The following EPHA10 variants were observed in gnomAD, a reference collection of about 807,000 sequenced individuals.
The protein encoded by EPHA10 is EPH receptor A10, also known as ephrin type-A receptor 10.
In EPHA10, 120 loss-of-function variants were observed where a neutral mutation model predicts 109.7. That is an observed-to-expected ratio of 1.09 (90% confidence interval 0.94 to 1.27). The LOEUF (loss-of-function observed/expected upper bound fraction) is 1.27, where lower values mean the gene tolerates loss of function less well. Among genes scored for constraint, EPHA10 ranks in the 50% most tolerant of loss-of-function variants. The pLI is 0.00. For missense variants in EPHA10, 1,396 were observed against 1,411.1 expected (o/e 0.99, Z 0.17); for synonymous variants, 640 against 618.9 (o/e 1.03, Z -0.51).
rs184043511 is a variant in EPHA10, at chr1:37,741,582, A to T, written c.1358-6192T>A. On this transcript the variant is annotated intron_variant, in intron 5 of 16. Coordinates refer to ENST00000373048, the MANE Select transcript of EPHA10 (RefSeq NM_001099439.2). ...CTAGTCTTGACAGCTGATCGCCAGAATGGGGGCTGGAGAGTAGAGTGGCAC... is the reference window on the plus strand; with the variant it reads ...CTAGTCTTGACAGCTGATCGCCAGATTGGGGGCTGGAGAGTAGAGTGGCAC... 2.9e-3 allele frequency among the ~76,000 whole-genome samples: 448 copies of T among 152,286 alleles called. 1 individual carries two copies. Among genetic ancestry groups the T allele is most frequent in the Non-Finnish European group, 5.5e-3 (376 of 68,008 alleles).
intron 13 of EPHA10, 61 bp from the exon 14 acceptor site, chr1:37,720,119 C>A: frequency 6.3e-7 from 1 of 1,590,594 alleles, no homozygotes; most frequent in South Asian, 1.1e-5. Context: ...TTTCCCCACC[C>A]CACTGAGCCC....
At chr1:37,724,543 G>A (rs1436706408) in intron 8 of EPHA10, among the ~76,000 whole-genome samples, 1 of 150,868 alleles carries the variant, frequency 6.6e-6, no homozygotes, top group African/African-American at 2.4e-5. Flanking sequence ...AGAATCGCCA[G>A]AGGAACAGAA....
At chr1:37,730,912 G>A (rs539066817) in intron 7 of EPHA10, among the ~76,000 whole-genome samples, 88 of 152,020 alleles carry the variant, frequency 5.8e-4, no homozygotes, top group African/African-American at 1.9e-3. Flanking sequence ...GGCTGGTCTC[G>A]AACTCCTGAC....
chr1:37,723,281 C>T (rs1260445602), intron 9 of EPHA10, 30 bp downstream of exon 9: 1 of 1,611,758 alleles, frequency 6.2e-7, no homozygotes, highest in African/African-American at 1.3e-5. Flanking sequence ...GTGGAGCCCG[C>T]CCCTCCCCAG....
chr1:37,757,618 A>G (rs513481), intron 3 of EPHA10, among the ~76,000 whole-genome samples: 115,311 of 152,132 alleles, frequency 0.76, 44,444 homozygotes, highest in Admixed American at 0.84. Context: ...GCCATTACAA[A>G]TGGCCTTTTT....
chr1:37,731,620 G>C (rs767896679), intron 6 of EPHA10, 38 bp from the exon 7 acceptor site: 2 of 1,571,740 alleles, frequency 1.3e-6, no homozygotes, highest in Non-Finnish European at 1.7e-6. Flanking sequence ...ACCAGCGCCA[G>C]ATCCACTGTT....
intron 1 of EPHA10, 44 bp from the exon 2 acceptor site, chr1:37,762,893 A>G (rs1335227520): frequency 6.6e-7 from 1 of 1,521,890 alleles, no homozygotes; most frequent in East Asian, 2.5e-5. Flanking sequence ...CGAGAAGGTC[A>G]GTTTAGCAAG....
intron 5 of EPHA10, among the ~76,000 whole-genome samples, chr1:37,741,891 C>T (rs649593): frequency 0.33 from 50,249 of 150,008 alleles, 8,475 homozygotes; most frequent in East Asian, 0.48. Context: ...CACTTTGAGA[C>T]GGCAGCTCCC....
intron 5 of EPHA10, among the ~76,000 whole-genome samples, chr1:37,750,586 T>A (rs921131027): frequency 1.3e-5 from 2 of 152,102 alleles, no homozygotes; most frequent in Non-Finnish European, 2.9e-5. Flanking sequence ...AAAACTTTTT[T>A]TTTTTTTTTA....
intron 5 of EPHA10, among the ~76,000 whole-genome samples, chr1:37,743,580 G>A (rs960753417): frequency 1.2e-4 from 18 of 152,118 alleles, no homozygotes; most frequent in Admixed American, 2.0e-4. Context: ...ATAATAACTC[G>A]TGATGGTTTA....
chr1:37,722,050 G>A, intron 10 of EPHA10: 1 of 498,204 alleles, frequency 2.0e-6, no homozygotes, highest in Non-Finnish European at 3.5e-6. Flanking sequence ...AAAATCACTT[G>A]AACCCAGGAG....
chr1:37,723,812 G>C (rs1167676033), intron 8 of EPHA10, among the ~76,000 whole-genome samples: 1 of 152,256 alleles, frequency 6.6e-6, no homozygotes, highest in Non-Finnish European at 1.5e-5. Context: ...AAAGGAGAAA[G>C]GTGCTGTACT....
At position 37,719,955 on chromosome 1, in the gene EPHA10, A is replaced by G; in HGVS notation, c.2516T>C (p.Val839Ala). 1 of 1,613,900 alleles carries G rather than the reference A, an allele frequency of 6.2e-7. No homozygotes were observed. Among genetic ancestry groups the G allele is most frequent in the African/African-American group, 1.3e-5 (1 of 74,980 alleles). ...GTAAGGCCGCTCCCCAAAGGCCATC[A>G]CCTCCCACATGATGATGCCGAAGCT... ...VWSFGIIMWE[V>A]MAFGERPYWD... is the part of the protein sequence containing the mutation. The change falls in exon 14 of 17, where the codon GTG becomes GCG. Residue 839 changes from valine to alanine, a missense_variant. Val to Ala is a moderately conservative substitution (Grantham distance 64, BLOSUM62 0). Coordinates refer to ENST00000373048, the MANE Select transcript of EPHA10 (RefSeq NM_001099439.2).
At chr1:37,732,860 G>GTTTT (rs1557541356) in intron 6 of EPHA10, among the ~76,000 whole-genome samples, 4 of 25,782 alleles carry the variant, frequency 1.6e-4, no homozygotes, top group African/African-American at 4.6e-4. Flanking sequence ...TTTTATACTT[G>GTTTT]TTCTTTTTTT....
intron 5 of EPHA10, among the ~76,000 whole-genome samples, chr1:37,748,650 A>G (rs1221315712): frequency 1.3e-5 from 2 of 152,144 alleles, no homozygotes; most frequent in Admixed American, 6.6e-5. Context: ...AAAGAATAAT[A>G]TATCTAGTAG....
At chr1:37,757,277 C>G (rs558658667) in intron 3 of EPHA10, among the ~76,000 whole-genome samples, 1 of 152,182 alleles carries the variant, frequency 6.6e-6, no homozygotes, top group African/African-American at 2.4e-5. Flanking sequence ...AGAACATATT[C>G]GTTCTATTCC....
At chr1:37,724,372 G>A (rs1373119309) in intron 8 of EPHA10, among the ~76,000 whole-genome samples, 15 of 152,218 alleles carry the variant, frequency 9.9e-5, no homozygotes, top group Admixed American at 9.2e-4. Context: ...ACGTGTGTGT[G>A]TGTGTCTGGA....
intron 10 of EPHA10, chr1:37,722,192 C>G: frequency 4.2e-6 from 1 of 240,320 alleles, no homozygotes; most frequent in Non-Finnish European, 8.4e-6. Flanking sequence ...AAACTGAGTA[C>G]CAGCAGTGTG....
chr1:37,721,908 T>A, intron 10 of EPHA10, 63 bp from the exon 11 acceptor site: 1 of 1,411,192 alleles, frequency 7.1e-7, no homozygotes, highest in Non-Finnish European at 9.3e-7. Context: ...CTGGGCAGGC[T>A]GAGCCGAGGA....
Sources: gnomAD v4.1 joint callset for allele counts (sites outside exome capture counted in the v4.1 genomes callset) on GRCh38, gnomAD v4.1.1 for gene constraint, MANE v1.5 for transcripts, NCBI Gene and HGNC (gene_info 2026-07-23, HGNC 2026-07-21) for gene names.